BNC2: variants seen among roughly 807,000 people sequenced by gnomAD.
BNC2 encodes the protein basonuclin zinc finger protein 2, also known as zinc finger protein basonuclin-2.
In BNC2, 20 loss-of-function variants were observed where a neutral mutation model predicts 76.3. The observed-to-expected ratio is 0.26, with a 90% CI of 0.18 to 0.38. The LOEUF (loss-of-function observed/expected upper bound fraction) is 0.38. Ranked by LOEUF, BNC2 falls within the 10% of genes least tolerant of loss-of-function variation. The probability of loss-of-function intolerance (pLI) is 1.00; values close to 1 mark genes in which losing one functional copy is unlikely to be tolerated. For synonymous variants in BNC2, 582 were observed against 514.8 expected, an observed-to-expected ratio of 1.13 and a Z score of -1.77; for missense variants, 1,382 against 1,399.8, an observed-to-expected ratio of 0.99 and a Z score of 0.20.
intron 3 of BNC2, among the ~76,000 whole-genome samples, chr9:16,630,222 C>G (rs543368149): frequency 5.3e-5 from 8 of 152,274 alleles, no homozygotes; most frequent in African/African-American, 1.9e-4. Context: ...AATATTGACT[C>G]ATTTATAGCA....
chr9:16,781,704 T>C (rs1293095701), intron 1 of BNC2, among the ~76,000 whole-genome samples: 1 of 152,216 alleles, frequency 6.6e-6, no homozygotes, highest in African/African-American at 2.4e-5. Flanking sequence ...ACAATCTACT[T>C]TTCCAATACA....
At chr9:16,512,794 C>CA (rs1368589500) in intron 5 of BNC2, among the ~76,000 whole-genome samples, 1 of 152,088 alleles carries the variant, frequency 6.6e-6, no homozygotes, top group Non-Finnish European at 1.5e-5. Flanking sequence ...AGAAGGGTAG[C>CA]ACTGGCATAA....
chr9:16,486,856 G>T (rs2131586646), intron 5 of BNC2, among the ~76,000 whole-genome samples: 1 of 152,226 alleles, frequency 6.6e-6, no homozygotes, highest in Middle Eastern at 3.4e-3. Context: ...CTCCTGAGGA[G>T]CTGGGACTAC....
At chr9:16,572,895 T>C (rs1469228143) in intron 4 of BNC2, among the ~76,000 whole-genome samples, 1 of 152,058 alleles carries the variant, frequency 6.6e-6, no homozygotes, top group East Asian at 1.9e-4. Context: ...CCAAATATAT[T>C]CTCTCATACC....
At chr9:16,659,380 T>C (rs143791334) in intron 3 of BNC2, among the ~76,000 whole-genome samples, 6,754 of 151,866 alleles carry the variant, frequency 0.044, 461 homozygotes, top group African/African-American at 0.14. Context: ...GGGGCCGAGG[T>C]GGGCAGATCA....
chr9:16,717,346 G>GAA (rs367693360), intron 3 of BNC2, among the ~76,000 whole-genome samples: 2 of 151,300 alleles, frequency 1.3e-5, no homozygotes, highest in African/African-American at 4.9e-5. Flanking sequence ...TAGCTTTAGG[G>GAA]AAAAAAAATG....
chr9:16,570,314 A>C (rs553150973), intron 4 of BNC2, among the ~76,000 whole-genome samples: 1 of 152,334 alleles, frequency 6.6e-6, no homozygotes, highest in South Asian at 2.1e-4. Context: ...AGAAAAATGA[A>C]TGTCACCTTT....
At chr9:16,760,358 A>G (rs1825517908) in intron 1 of BNC2, among the ~76,000 whole-genome samples, 1 of 152,188 alleles carries the variant, frequency 6.6e-6, no homozygotes, top group Non-Finnish European at 1.5e-5. Context: ...TAAATCATGC[A>G]TTTTCAATAG....
chr9:16,613,603 C>T (rs1030668449), intron 3 of BNC2, among the ~76,000 whole-genome samples: 1 of 152,158 alleles, frequency 6.6e-6, no homozygotes, highest in African/African-American at 2.4e-5. Flanking sequence ...TGAGATTGTG[C>T]GCAAGAAGAT....
chr9:16,545,675 C>T (rs942441824), intron 5 of BNC2, among the ~76,000 whole-genome samples: 1 of 152,122 alleles, frequency 6.6e-6, no homozygotes, highest in Non-Finnish European at 1.5e-5. Context: ...ACCTGCCAAG[C>T]CCATACATCC....
chr9:16,543,839 AG>A (rs1488631017), intron 5 of BNC2, among the ~76,000 whole-genome samples: 1 of 152,112 alleles, frequency 6.6e-6, no homozygotes, highest in Non-Finnish European at 1.5e-5. Flanking sequence ...TCTCTCTAAT[AG>A]GGAGGTTAGG....
intron 1 of BNC2, among the ~76,000 whole-genome samples, chr9:16,740,993 C>G (rs747090998): frequency 5.3e-5 from 8 of 152,124 alleles, no homozygotes; most frequent in Non-Finnish European, 1.0e-4. Context: ...CTGTACACTT[C>G]TTAAAAGAGA....
intron 4 of BNC2, among the ~76,000 whole-genome samples, chr9:16,570,657 A>G (rs1054825218): frequency 1.3e-5 from 2 of 152,192 alleles, no homozygotes; most frequent in Non-Finnish European, 2.9e-5. Context: ...TTAAGAACTA[A>G]AGCAGTATCT....
chr9:16,850,055 G>C (rs1438899648), intron 1 of BNC2, among the ~76,000 whole-genome samples: 1 of 152,156 alleles, frequency 6.6e-6, no homozygotes, highest in Non-Finnish European at 1.5e-5. Context: ...TAGGTTATCT[G>C]TCAACCTCTC....
At chr9:16,762,883 G>C (rs920003656) in intron 1 of BNC2, among the ~76,000 whole-genome samples, 1 of 152,152 alleles carries the variant, frequency 6.6e-6, no homozygotes, top group African/African-American at 2.4e-5. Flanking sequence ...CTTACTTAAA[G>C]TGCTTTAATG....
chr9:16,621,553 A>C (rs1020068504), intron 3 of BNC2, among the ~76,000 whole-genome samples: 2 of 152,214 alleles, frequency 1.3e-5, no homozygotes, highest in Non-Finnish European at 2.9e-5. Flanking sequence ...GGTTTCAGTT[A>C]CTTTTTCACT....
intron 5 of BNC2, among the ~76,000 whole-genome samples, chr9:16,448,073 T>C (rs1821264335): frequency 6.6e-6 from 1 of 152,086 alleles, no homozygotes; most frequent in South Asian, 2.1e-4. Flanking sequence ...TCTTGTCCAC[T>C]CAGACATAAA....
chr9:16,509,984 C>A (rs550867106), intron 5 of BNC2, among the ~76,000 whole-genome samples: 50 of 152,302 alleles, frequency 3.3e-4, no homozygotes, highest in African/African-American at 1.2e-3. Context: ...AGGTCTTACA[C>A]TGGTTAGACC....
chr9:16,685,440 T>TC (rs1822946483), intron 3 of BNC2: 1 of 593,394 alleles, frequency 1.7e-6, no homozygotes, highest in South Asian at 1.6e-5. Flanking sequence ...TACACCTAAC[T>TC]CAATGGTTGT....
Sources: gnomAD v4.1 joint callset for allele counts (sites outside exome capture counted in the v4.1 genomes callset) on GRCh38, gnomAD v4.1.1 for gene constraint, MANE v1.5 for transcripts, NCBI Gene and HGNC (gene_info 2026-07-23, HGNC 2026-07-21) for gene names.